Variants in TAFA4 observed in about 807,000 individuals in gnomAD.
TAFA4 encodes the protein chemokine-like protein TAFA-4.
A neutral mutation model predicts 21.1 loss-of-function variants in TAFA4; 20 were observed. The observed-to-expected ratio is 0.95, with a 90% CI of 0.67 to 1.38. TAFA4 has a LOEUF of 1.38. Ranked by LOEUF, TAFA4 falls within the 40% of genes most tolerant of loss-of-function variation. TAFA4 has a pLI of 0.00. For missense variants in TAFA4, 211 were observed against 180.9 expected, an observed-to-expected ratio of 1.17 and a Z score of -0.95; for synonymous variants, 71 against 67.4, an observed-to-expected ratio of 1.05 and a Z score of -0.26.
intron 3 of TAFA4, among the ~76,000 whole-genome samples, chr3:68,804,962 T>C (rs1159782417): frequency 6.6e-6 from 1 of 152,128 alleles, no homozygotes; most frequent in Non-Finnish European, 1.5e-5. Context: ...TAGGATCTAA[T>C]TAAACTAAAG....
At chr3:68,734,397 A>G (rs1023732605) in intron 5 of TAFA4, among the ~76,000 whole-genome samples, 6 of 152,072 alleles carry the variant, frequency 3.9e-5, no homozygotes, top group Admixed American at 3.3e-4. Flanking sequence ...AGGTAGTACG[A>G]TACAGGAAAG....
chr3:68,777,746 C>T (rs114733450), intron 3 of TAFA4, among the ~76,000 whole-genome samples: 2,693 of 152,164 alleles, frequency 0.018, 79 homozygotes, highest in African/African-American at 0.06. Flanking sequence ...CGATGACAGA[C>T]GACATAGACA....
At position 68,762,204 on chromosome 3, in the gene TAFA4, T is replaced by TAAA. The variant is rs11378334; in HGVS notation, c.131-9189_131-9187dup. On this transcript the variant is annotated intron_variant, in intron 3 of 5. Coordinates refer to ENST00000295569, the MANE Select transcript of TAFA4 (RefSeq NM_182522.5). ...GGGAAAGCCATTGGTGGCCTTAATT[T>TAAA]AAAAAAAAAAAAATGTAGCAGAAGA... is the stretch of plus-strand genomic sequence containing the variant. 8.8e-5 allele frequency among the ~76,000 whole-genome samples: 13 copies of TAAA among 147,130 alleles called. No individual in the cohort carries two copies. The East Asian group carries it at 1.2e-3, about 14-fold the overall frequency.
intron 1 of TAFA4, among the ~76,000 whole-genome samples, chr3:68,919,671 C>T (rs1469368809): frequency 6.6e-6 from 1 of 152,184 alleles, no homozygotes; most frequent in Admixed American, 6.5e-5. Flanking sequence ...CTTAGTGGCT[C>T]TCACGGTGAA....
chr3:68,734,479 G>C (rs1702204599), intron 5 of TAFA4, among the ~76,000 whole-genome samples: 2 of 152,110 alleles, frequency 1.3e-5, no homozygotes, highest in East Asian at 1.9e-4. Flanking sequence ...AGGAGGAGAG[G>C]AAGAGTTAAA....
chr3:68,741,498 T>C (rs1033241206), intron 4 of TAFA4, among the ~76,000 whole-genome samples: 5 of 152,138 alleles, frequency 3.3e-5, no homozygotes, highest in African/African-American at 9.7e-5. Flanking sequence ...GTACCTGGTA[T>C]TTAAAGAAGA....
At chr3:68,799,771 G>A (rs1266497035) in intron 3 of TAFA4, among the ~76,000 whole-genome samples, 4 of 152,184 alleles carry the variant, frequency 2.6e-5, no homozygotes, top group African/African-American at 9.7e-5. Context: ...CAACCCCTGG[G>A]CCATGGACCA....
rs895799871 is a variant in TAFA4, at chr3:68,836,355, T to C, written c.130+44375A>G. 3.9e-5 allele frequency among the ~76,000 whole-genome samples: 6 copies of C among 152,234 alleles called. 1 individual carries two copies. Among genetic ancestry groups the C allele is most frequent in the Admixed American group, 3.9e-4 (6 of 15,282 alleles). On this transcript the variant is annotated intron_variant, in intron 3 of 5. Coordinates refer to ENST00000295569, the MANE Select transcript of TAFA4 (RefSeq NM_182522.5). ...CTCAAAATTAACAGGGGATAATAGCTGTTTGAAACCACAAGTAACATTTAT... is the reference window on the plus strand; with the variant it reads ...CTCAAAATTAACAGGGGATAATAGCCGTTTGAAACCACAAGTAACATTTAT...
In TAFA4 at chr3:68,893,771, G is replaced by C. The variant is rs114828467; in HGVS notation, c.-122-8461C>G. ...TTAGTGGGATAAAGGCTTCTTAAAAGCTTAATCTAAACCTGTATTACATTT... is the reference window on the plus strand; with the variant it reads ...TTAGTGGGATAAAGGCTTCTTAAAACCTTAATCTAAACCTGTATTACATTT... On this transcript the variant is annotated intron_variant, in intron 1 of 5. Coordinates refer to ENST00000295569, the MANE Select transcript of TAFA4 (RefSeq NM_182522.5). Among the ~76,000 whole-genome samples the C allele has an allele frequency of 5.8e-3, 876 of 152,282 alleles. 4 individuals carry two copies. Among genetic ancestry groups the C allele is most frequent in the Non-Finnish European group, 9.8e-3 (670 of 68,026 alleles).
At chr3:68,755,947 G>T (rs1363021588) in intron 3 of TAFA4, among the ~76,000 whole-genome samples, 2 of 152,184 alleles carry the variant, frequency 1.3e-5, no homozygotes, top group African/African-American at 4.8e-5. Flanking sequence ...GTTGTGAGCA[G>T]CCCTATGCAG....
chr3:68,782,373 T>C (rs1393879611), intron 3 of TAFA4, among the ~76,000 whole-genome samples: 7 of 152,178 alleles, frequency 4.6e-5, no homozygotes, highest in Non-Finnish European at 1.0e-4. Context: ...AATTGGAAAC[T>C]TCATACATTT....
intron 3 of TAFA4, among the ~76,000 whole-genome samples, chr3:68,809,519 A>ATTTTTTTTTTTTTTTT (rs200107940): frequency 7.9e-6 from 1 of 127,140 alleles, no homozygotes. Flanking sequence ...CACTATGTTG[A>ATTTTTTTTTTTTTTTT]TTTTTTTTTT....
intron 5 of TAFA4, among the ~76,000 whole-genome samples, chr3:68,736,165 A>G (rs1702237706): frequency 6.6e-6 from 1 of 152,148 alleles, no homozygotes. Flanking sequence ...GTTGCTAAGA[A>G]GATATCATAC....
intron 3 of TAFA4, among the ~76,000 whole-genome samples, chr3:68,875,929 AGAG>A (rs982113939): frequency 3.4e-5 from 5 of 147,504 alleles, no homozygotes; most frequent in African/African-American, 1.3e-4. Flanking sequence ...AAAAAAAAAA[AGAG>A]AGAGAGAACT....
intron 5 of TAFA4, among the ~76,000 whole-genome samples, chr3:68,736,435 T>C (rs2106723178): frequency 6.6e-6 from 1 of 152,258 alleles, no homozygotes; most frequent in South Asian, 2.1e-4. Flanking sequence ...TTTCATATCT[T>C]CATCTAAAGC....
At chr3:68,899,054 A>G (rs888219353) in intron 1 of TAFA4, among the ~76,000 whole-genome samples, 2 of 152,228 alleles carry the variant, frequency 1.3e-5, no homozygotes, top group African/African-American at 4.8e-5. Context: ...TTAAAGATGG[A>G]GTCTTCCCAA....
intron 3 of TAFA4, among the ~76,000 whole-genome samples, chr3:68,830,284 T>C (rs529673359): frequency 1.3e-5 from 2 of 152,338 alleles, no homozygotes; most frequent in East Asian, 3.9e-4. Context: ...GATGTTAGGG[T>C]GTCAATTTTA....
intron 4 of TAFA4, among the ~76,000 whole-genome samples, chr3:68,747,071 C>T (rs1055144855): frequency 6.6e-6 from 1 of 152,174 alleles, no homozygotes; most frequent in Non-Finnish European, 1.5e-5. Flanking sequence ...TGAAGGCATA[C>T]TAACTCAAAA....
chr3:68,913,019 A>T (rs13318562), intron 1 of TAFA4, among the ~76,000 whole-genome samples: 4,309 of 152,310 alleles, frequency 0.028, 206 homozygotes, highest in African/African-American at 0.098. Context: ...GGGTTATACT[A>T]TTAGAGATCA....
Sources: allele counts gnomAD v4.1 joint callset (sites outside exome capture counted in the v4.1 genomes callset), GRCh38; gene constraint gnomAD v4.1.1; transcripts MANE v1.5; gene names NCBI Gene and HGNC (gene_info 2026-07-23, HGNC 2026-07-21).